The following PLCL1 variants were observed in gnomAD, a reference collection of about 807,000 sequenced individuals.
PLCL1 encodes the protein inactive phospholipase C-like protein 1.
PLCL1 carries 41 observed loss-of-function variants against 84.4 expected under a neutral mutation model. The ratio of observed to expected loss-of-function variants is 0.49; its 90% CI spans 0.38 to 0.63. The LOEUF is 0.63. Ranked by LOEUF, PLCL1 falls within the 30% of genes least tolerant of loss-of-function variation. The pLI is 0.00. For synonymous variants in PLCL1, 490 were observed against 488.3 expected (o/e 1.00, Z -0.05); for missense variants, 1,206 against 1,367.8 (o/e 0.88, Z 1.87).
At chr2:197,913,143 C>T (rs775869917) in intron 1 of PLCL1, among the ~76,000 whole-genome samples, 10 of 152,090 alleles carry the variant, frequency 6.6e-5, no homozygotes, top group Non-Finnish European at 1.2e-4. Flanking sequence ...CCCTGTCACA[C>T]GACTTCATGG....
chr2:198,090,678 T>C (rs1353068304), intron 3 of PLCL1, among the ~76,000 whole-genome samples: 1 of 152,170 alleles, frequency 6.6e-6, no homozygotes, highest in Non-Finnish European at 1.5e-5. Context: ...ATCATAAAAA[T>C]GGGGACTGAA....
rs1559097537 is a variant in PLCL1 at position 198,083,915 on chromosome 2, G to GT, written c.404dup (p.Thr136HisfsTer24). ...CGGCCAAATTCTCGCATTTACAACC[G>GT]TTTTTTCACTCTGGACACAGACCTT... On this transcript the variant is annotated frameshift_variant, in exon 2 of 6. Coordinates refer to ENST00000428675, the MANE Select transcript of PLCL1 (RefSeq NM_006226.4). LOFTEE classifies it high-confidence loss of function. 2 of 1,614,056 alleles carry GT rather than the reference G, an allele frequency of 1.2e-6. No homozygotes were observed. The highest frequency in any genetic ancestry group is 1.3e-5 in the African/African-American group (1 of 75,016).
intron 1 of PLCL1, among the ~76,000 whole-genome samples, chr2:197,908,219 A>C (rs1688419677): frequency 6.6e-6 from 1 of 152,228 alleles, no homozygotes. Flanking sequence ...ACCCATGGGG[A>C]AATCCCTTTG....
intron 1 of PLCL1, among the ~76,000 whole-genome samples, chr2:198,005,013 T>A (rs1306255021): frequency 6.6e-6 from 1 of 152,222 alleles, no homozygotes; most frequent in African/African-American, 2.4e-5. Context: ...CTAGAAATAG[T>A]CATTTTCTAG....
At chr2:198,001,972 G>A in intron 1 of PLCL1, 1 of 441,360 alleles carries the variant, frequency 2.3e-6, no homozygotes, top group South Asian at 1.6e-5. Flanking sequence ...GTAGTTGCAG[G>A]AAAACAGCTC....
rs1553502292 is a variant in PLCL1, at chr2:197,918,936, G to GTT, written c.240+113598_240+113599insTT. On this transcript the variant is annotated intron_variant, in intron 1 of 5. Coordinates refer to ENST00000428675, the MANE Select transcript of PLCL1 (RefSeq NM_006226.4). ...AGCCTGGGCAACAGACGGAGACCCT[G>GTT]TCTCTCTCTCTCTCTCTCTCTCTCT... Among the ~76,000 whole-genome samples the GTT allele has an allele frequency of 2.2e-4, 18 of 83,160 alleles. 2 individuals are homozygous for GTT. Among genetic ancestry groups the GTT allele is most frequent in the Non-Finnish European group, 3.1e-4 (11 of 35,474 alleles). 54.6% of individuals were successfully genotyped at this position (83,160 alleles called of 152,430 possible). A position where few individuals can be genotyped will look rare whatever the true frequency, so the allele number is the denominator to read the frequency against.
chr2:198,139,117 TG>T (rs1694323543), intron 5 of PLCL1, among the ~76,000 whole-genome samples: 1 of 152,036 alleles, frequency 6.6e-6, no homozygotes, highest in Admixed American at 6.6e-5. Flanking sequence ...ATCGCACCAT[TG>T]CACTCCAGCC....
intron 1 of PLCL1, among the ~76,000 whole-genome samples, chr2:197,906,260 GC>G (rs1190911142): frequency 6.6e-6 from 1 of 151,774 alleles, no homozygotes; most frequent in Non-Finnish European, 1.5e-5. Context: ...TAAGGAAGGG[GC>G]CCAGTTTCAG....
chr2:197,958,197 T>C (rs1188155890), intron 1 of PLCL1, among the ~76,000 whole-genome samples: 3 of 151,986 alleles, frequency 2.0e-5, no homozygotes, highest in African/African-American at 4.8e-5. Flanking sequence ...GGAAGAAAAC[T>C]TAAATATTCT....
intron 5 of PLCL1, among the ~76,000 whole-genome samples, chr2:198,107,828 G>C (rs1395216055): frequency 6.6e-6 from 1 of 151,840 alleles, no homozygotes; most frequent in Non-Finnish European, 1.5e-5. Context: ...TTCAGCTTGA[G>C]CACTAGAGTA....
In PLCL1 at chr2:197,815,923, A is replaced by T. The variant is rs190349838; in HGVS notation, c.240+10584A>T. ...CAAAGAAATTGGTTTCTTGAGATGG[A>T]TTTTACTCCTTGTGAAGATGTTCTG... is the stretch of plus-strand genomic sequence containing the variant. On this transcript the variant is annotated intron_variant, in intron 1 of 5. Transcript: ENST00000428675. Among the ~76,000 whole-genome samples, 1,064 of 152,270 alleles carry T rather than the reference A, an allele frequency of 7.0e-3. 9 individuals carry two copies. The highest frequency in any genetic ancestry group is 9.9e-3 in the Non-Finnish European group (674 of 68,018).
chr2:197,935,893 C>T (rs1254894603), intron 1 of PLCL1, among the ~76,000 whole-genome samples: 1 of 152,204 alleles, frequency 6.6e-6, no homozygotes, highest in Admixed American at 6.5e-5. Flanking sequence ...CCTTGACCAA[C>T]ATCTCCCACC....
At chr2:197,989,003 G>T (rs928616994) in intron 1 of PLCL1, among the ~76,000 whole-genome samples, 3 of 151,996 alleles carry the variant, frequency 2.0e-5, no homozygotes, top group Non-Finnish European at 4.4e-5. Context: ...CAAACCCAAG[G>T]GGATAAATTA....
rs1372272878 is a variant in PLCL1 at position 197,805,864 on chromosome 2, T to C, written c.240+525T>C. 6.6e-6 allele frequency among the ~76,000 whole-genome samples: 1 copy of C among 152,182 alleles called. No individual in the cohort carries two copies. Among genetic ancestry groups the C allele is most frequent in the African/African-American group, 2.4e-5 (1 of 41,444 alleles). ...GACCCTGCATCACAGTAAAGAGCAA[T>C]GCAAGAGCCCAGAGTTTTTGCGCTG... On this transcript the variant is annotated intron_variant, in intron 1 of 5. Transcript: ENST00000428675. This position sits in a 1 kb window ranked among gnomAD's most constrained non-coding sequence, Gnocchi z 4.0.
chr2:197,963,891 G>A (rs765661842), intron 1 of PLCL1, among the ~76,000 whole-genome samples: 4 of 152,094 alleles, frequency 2.6e-5, no homozygotes, highest in Non-Finnish European at 4.4e-5. Flanking sequence ...TCAAAAATGA[G>A]TTTGCTGTAG....
chr2:197,827,378 A>C (rs866748403), intron 1 of PLCL1, among the ~76,000 whole-genome samples: 1 of 151,112 alleles, frequency 6.6e-6, no homozygotes, highest in Non-Finnish European at 1.5e-5. Flanking sequence ...ATATATGTGT[A>C]TATATATATA....
intron 1 of PLCL1, among the ~76,000 whole-genome samples, chr2:197,894,887 T>C (rs1688103293): frequency 6.6e-6 from 1 of 151,974 alleles, no homozygotes; most frequent in Non-Finnish European, 1.5e-5. Context: ...ATTCATGACA[T>C]GGCACATGGC....
At chr2:197,915,136 AC>A (rs1276035418) in intron 1 of PLCL1, among the ~76,000 whole-genome samples, 10 of 152,210 alleles carry the variant, frequency 6.6e-5, no homozygotes, top group Admixed American at 5.9e-4. Context: ...TCAGGTAAGA[AC>A]AATTCCAACT....
chr2:197,908,140 A>C (rs905790954), intron 1 of PLCL1, among the ~76,000 whole-genome samples: 1 of 152,222 alleles, frequency 6.6e-6, no homozygotes, highest in Non-Finnish European at 1.5e-5. Context: ...TTTTACTGAG[A>C]TAGCAAAAAT....
Sources: allele counts gnomAD v4.1 joint callset (sites outside exome capture counted in the v4.1 genomes callset), GRCh38; gene constraint gnomAD v4.1.1; non-coding constraint Gnocchi (gnomAD v3.1); transcripts MANE v1.5; gene names NCBI Gene and HGNC (gene_info 2026-07-23, HGNC 2026-07-21).